The following RC3H1 variants were observed in gnomAD, a reference collection of about 807,000 sequenced individuals.
RC3H1 encodes ring finger and CCCH-type domains 1, also known as roquin-1.
A neutral mutation model predicts 138.2 loss-of-function variants in RC3H1; 50 were observed. The ratio of observed to expected loss-of-function variants is 0.36; its 90% CI spans 0.29 to 0.46. RC3H1 has a LOEUF of 0.46. Among genes scored for constraint, RC3H1 ranks in the 20% least tolerant of loss-of-function variants. The pLI, the probability that RC3H1 is intolerant of heterozygous loss-of-function variation, is 1.00. For missense variants in RC3H1, 1,031 were observed against 1,388.1 expected (o/e 0.74, Z 4.09); for synonymous variants, 462 against 489.1 (o/e 0.94, Z 0.73).
intron 14 of RC3H1, among the ~76,000 whole-genome samples, chr1:173,951,738 T>C (rs759109331): frequency 6.6e-6 from 1 of 152,144 alleles, no homozygotes; most frequent in Non-Finnish European, 1.5e-5. Context: ...TTATAAACAA[T>C]TGTTGAGAAA....
chr1:173,950,447 G>A (rs1659343675), intron 14 of RC3H1, among the ~76,000 whole-genome samples: 1 of 113,948 alleles, frequency 8.8e-6, no homozygotes. Context: ...AAAAAGAGCT[G>A]AGCATAGTAT....
At position 173,935,053 on chromosome 1, in the gene RC3H1, T is replaced by C. The variant is rs931104927; in HGVS notation, c.*3668A>G. 6.6e-6 allele frequency: 1 copy of C among 152,172 alleles called. No individual in the cohort carries two copies. The highest frequency in any genetic ancestry group is 1.9e-4 in the East Asian group (1 of 5,196). 9.4% of individuals were successfully genotyped at this position (152,172 alleles called of 1,614,324 possible). ...AATTTTTTAAATACATTCTGAGTAG[T>C]TGAATATTTGTAGTTGGCATTAGGA... On this transcript the variant is annotated 3_prime_UTR_variant, in exon 20 of 20. Transcript: ENST00000367696.
intron 13 of RC3H1, among the ~76,000 whole-genome samples, chr1:173,960,346 C>T (rs921658497): frequency 2.6e-5 from 4 of 151,890 alleles, no homozygotes; most frequent in South Asian, 4.1e-4. Flanking sequence ...ATGTGATCCA[C>T]ATATAAAATT....
intron 19 of RC3H1, among the ~76,000 whole-genome samples, chr1:173,940,419 C>T (rs971585405): frequency 2.0e-5 from 3 of 151,924 alleles, no homozygotes; most frequent in South Asian, 2.1e-4. Flanking sequence ...TGCCGTGAGC[C>T]GAGATCGTGC....
intron 1 of RC3H1, among the ~76,000 whole-genome samples, chr1:174,012,793 AAAAAG>A (rs199504710): frequency 0.018 from 2,686 of 150,880 alleles, 71 homozygotes; most frequent in African/African-American, 0.062. Context: ...TCAAAAAAAA[AAAAAG>A]AAAAGAAAAG....
rs746466193 is a variant in RC3H1, at chr1:173,964,834, C to T, written c.1616+5G>A. On this transcript the variant is annotated splice_donor_5th_base_variant and intron_variant, in intron 10 of 19. Coordinates refer to ENST00000367696, the MANE Select transcript of RC3H1 (RefSeq NM_172071.4). ...TTTGAAATAAGAGTTAGAAAAATGA[C>T]GTACAGGTCAGGAGGGGATCCAGGA... 4 of 1,602,564 alleles carry T rather than the reference C, an allele frequency of 2.5e-6. No individual in the cohort carries two copies. The highest frequency in any genetic ancestry group is 1.7e-5 in the Admixed American group (1 of 58,900).
At chr1:173,979,153 C>T (rs1019844333) in intron 6 of RC3H1, among the ~76,000 whole-genome samples, 2 of 152,196 alleles carry the variant, frequency 1.3e-5, no homozygotes, top group African/African-American at 2.4e-5. Context: ...ATACACAGAA[C>T]ATTTTCATGA....
chr1:173,985,676 A>G (rs2103019951), intron 2 of RC3H1, among the ~76,000 whole-genome samples: 1 of 152,246 alleles, frequency 6.6e-6, no homozygotes, highest in South Asian at 2.1e-4. Context: ...TTTGAAACAT[A>G]CAATGTATTA....
At position 173,980,983 on chromosome 1, in the gene RC3H1, A is replaced by G; in HGVS notation, c.795T>C (p.Ser265=). The change falls in exon 6 of 20, where the codon TCT becomes TCC. Residue 265 remains serine, a synonymous_variant. Transcript: ENST00000367696. ...FKVTKRDEDS[S]LMQLKEEFRT... is the part of the protein sequence containing the mutation. ...TAAATTCTTCTTTCAGCTGCATCAAAGAAGAGTCTTCATCACGTTTGGTGA... is the reference window on the plus strand; with the variant it reads ...TAAATTCTTCTTTCAGCTGCATCAAGGAAGAGTCTTCATCACGTTTGGTGA... 6.2e-7 allele frequency: 1 copy of G among 1,613,986 alleles called. No homozygotes were observed. The highest frequency in any genetic ancestry group is 1.3e-5 in the African/African-American group (1 of 75,060).
intron 9 of RC3H1, among the ~76,000 whole-genome samples, chr1:173,965,605 A>G (rs566181080): frequency 1.2e-4 from 19 of 152,140 alleles, no homozygotes; most frequent in African/African-American, 4.6e-4. Context: ...AAAGAGTAAC[A>G]TTTGTCATAT....
intron 1 of RC3H1, among the ~76,000 whole-genome samples, chr1:174,001,257 C>T (rs1460242351): frequency 6.6e-6 from 1 of 152,106 alleles, no homozygotes; most frequent in Non-Finnish European, 1.5e-5. Flanking sequence ...ATGGAGAAGC[C>T]GCCTGACCTG....
At chr1:173,959,263 AG>A (rs1659770396) in intron 13 of RC3H1, among the ~76,000 whole-genome samples, 1 of 152,174 alleles carries the variant, frequency 6.6e-6, no homozygotes, top group Non-Finnish European at 1.5e-5. Flanking sequence ...GCTGAATAGA[AG>A]GGTCAATACA....
rs771172056 is a variant in RC3H1 at position 173,947,390 on chromosome 1, T to C, written c.2716A>G (p.Thr906Ala). ...MQAMAPQGAP[T>A]KSINISDYSP... ...TTACCTGAAATGTTAATAGATTTTGTAGGAGCTCCCTGAGGTGCCATAGCC... is the reference window on the plus strand; with the variant it reads ...TTACCTGAAATGTTAATAGATTTTGCAGGAGCTCCCTGAGGTGCCATAGCC... The change falls in exon 15 of 20, where the codon ACA becomes GCA. Residue 906 changes from threonine to alanine, a missense_variant. Transcript: ENST00000367696. 1.2e-6 allele frequency: 2 copies of C among 1,613,642 alleles called. No individual in the cohort carries two copies. The highest frequency in any genetic ancestry group is 1.7e-6 in the Non-Finnish European group (2 of 1,179,594).
At chr1:174,014,220 G>A (rs1661818576) in intron 1 of RC3H1, among the ~76,000 whole-genome samples, 1 of 152,194 alleles carries the variant, frequency 6.6e-6, no homozygotes, top group Admixed American at 6.5e-5. Flanking sequence ...ATGGACTTTA[G>A]TTAATAATGT....
rs756020307 is a variant in RC3H1 at position 173,946,782 on chromosome 1, T to C, written c.2792A>G (p.His931Arg). 10 of 1,613,896 alleles carry C rather than the reference T, an allele frequency of 6.2e-6. No individual in the cohort carries two copies. In the South Asian group the frequency reaches 1.1e-4, roughly 18 times the overall value. The change falls in exon 16 of 20, where the codon CAT becomes CGT. Residue 931 changes from histidine to arginine, a missense_variant. His to Arg is a conservative substitution (Grantham distance 29). This residue lies in a region of RC3H1 where 716 missense variants were observed against 837.9 expected (regional missense o/e 0.85). Transcript: ENST00000367696. ...GGWGASPYSP[H>R]QNIPSQGHFS... ...GTGTCCCTGAGAAGGTATGTTTTGA[T>C]GAGGTGAATATGGAGAAGCTCCCCA...
intron 1 of RC3H1, among the ~76,000 whole-genome samples, chr1:174,002,510 T>C (rs1661581586): frequency 6.6e-6 from 1 of 152,210 alleles, no homozygotes; most frequent in East Asian, 1.9e-4. Flanking sequence ...CTTTCCCCAC[T>C]GGCATGCTTA....
intron 2 of RC3H1, among the ~76,000 whole-genome samples, 181 bp from the exon 3 acceptor site, chr1:173,984,800 T>C (rs1272509633): frequency 2.0e-5 from 3 of 152,236 alleles, no homozygotes; most frequent in African/African-American, 7.2e-5. Context: ...TTTGTTTCTC[T>C]AACAGCCTAA....
intron 1 of RC3H1, among the ~76,000 whole-genome samples, chr1:174,004,116 T>C: frequency 6.7e-6 from 1 of 149,758 alleles, no homozygotes; most frequent in Non-Finnish European, 1.5e-5. Flanking sequence ...TTATTTTTAT[T>C]ATTTTTTGAG....
At chr1:173,969,816 A>T (rs1390817693) in intron 9 of RC3H1, among the ~76,000 whole-genome samples, 1 of 151,990 alleles carries the variant, frequency 6.6e-6, no homozygotes, top group Non-Finnish European at 1.5e-5. Flanking sequence ...TTGTCCTTGA[A>T]GTTTAAAAGA....
Sources: gnomAD v4.1 joint callset for allele counts (sites outside exome capture counted in the v4.1 genomes callset) on GRCh38, gnomAD v4.1.1 for gene constraint, gnomAD v4.1.1 regional missense constraint, MANE v1.5 for transcripts, NCBI Gene and HGNC (gene_info 2026-07-23, HGNC 2026-07-21) for gene names.